The following ATG2B variants were observed in gnomAD, a reference collection of about 807,000 sequenced individuals.
ATG2B encodes the protein autophagy-related protein 2 homolog B.
Under a neutral mutation model 241.3 loss-of-function variants are expected in ATG2B, and 121 were observed. The ratio of observed to expected loss-of-function variants is 0.50; its 90% CI spans 0.43 to 0.58. The LOEUF (loss-of-function observed/expected upper bound fraction) is 0.58. ATG2B is among the 20% of genes least tolerant of loss of function. The probability of loss-of-function intolerance (pLI) is 0.00; values close to 1 mark genes in which losing one functional copy is unlikely to be tolerated. For synonymous variants in ATG2B, 858 were observed against 876.6 expected (o/e 0.98, Z 0.37); for missense variants, 2,306 against 2,491.6 (o/e 0.93, Z 1.59).
In ATG2B at chr14:96,285,879, G is replaced by A. The variant is rs1886321987; in HGVS notation, c.6113C>T (p.Ala2038Val). The A allele has an allele frequency of 6.2e-7, 1 of 1,614,118 alleles. No individual in the cohort carries two copies. Among genetic ancestry groups the A allele is most frequent in the Non-Finnish European group, 8.5e-7 (1 of 1,180,034 alleles). Residue 2038 changes from alanine (A) to valine (V), a missense_variant, in exon 42 of 42, where the codon GCA becomes GTA. Transcript: ENST00000359933. The surrounding 1 kb of genome is among the most constrained non-coding windows in gnomAD (Gnocchi z 4.2). Reference protein sequence around the residue: ...VGEVLRQIPPAVVKPLIVATE... With the variant: ...VGEVLRQIPPVVVKPLIVATE... The stretch of plus-strand genomic sequence containing the variant: ...GGCAACAATCAGAGGTTTCACCACT[G>A]CCGGAGGAATCTGGCGCAGAACCTC...
chr14:96,304,462 T>C (rs781686891), intron 32 of ATG2B, 33 bp downstream of exon 32: 1 of 1,543,068 alleles, frequency 6.5e-7, no homozygotes, highest in African/African-American at 1.4e-5. Flanking sequence ...AATATCCTAC[T>C]TAAGTGGATT....
At chr14:96,308,642 C>T (rs75438850) in intron 29 of ATG2B, among the ~76,000 whole-genome samples, 4,577 of 151,842 alleles carry the variant, frequency 0.03, 109 homozygotes, top group South Asian at 0.047. Context: ...GTACATAGAA[C>T]ACTAAAAGCC....
At chr14:96,334,150 T>A (rs1013333213) in intron 7 of ATG2B, among the ~76,000 whole-genome samples, 2 of 152,204 alleles carry the variant, frequency 1.3e-5, no homozygotes, top group Non-Finnish European at 2.9e-5. Context: ...TATGAAGTAC[T>A]ATCCCCAACC....
chr14:96,344,670 C>T lies in ATG2B; in HGVS notation c.565G>A (p.Glu189Lys), dbSNP rs1034988999. ...PENSKTGTAL[E>K]IRIERTVYCD... Reference sequence around the variant, plus strand: ...AATTCTTACCTTTCTATTCGAATTTCAAGTGCAGTTCCAGTTTTGGAATTT... The same window carrying T: ...AATTCTTACCTTTCTATTCGAATTTTAAGTGCAGTTCCAGTTTTGGAATTT... Residue 189 changes from glutamate to lysine, a missense_variant, in exon 4 of 42, where the codon GAA becomes AAA. By Grantham distance (56) the Glu-to-Lys change is moderately conservative (BLOSUM62 1). Transcript: ENST00000359933. 3 of 1,599,562 alleles carry T rather than the reference C, an allele frequency of 1.9e-6. No individual in the cohort carries two copies. The highest frequency in any genetic ancestry group is 2.6e-6 in the Non-Finnish European group (3 of 1,171,036).
In ATG2B at chr14:96,285,940, C is replaced by G; in HGVS notation, c.6052G>C (p.Glu2018Gln). The G allele has an allele frequency of 6.2e-7, 1 of 1,613,920 alleles. No homozygotes were observed. The highest frequency in any genetic ancestry group is 8.5e-7 in the Non-Finnish European group (1 of 1,179,998). ...AQTIYETAAR[E>Q]HESRGVTGAV... ...CCAGTCACCCCTCTGCTCTCGTGTT[C>G]TCGAGCCGCAGTTTCATAAATGGTC... Residue 2018 changes from glutamate (E) to glutamine (Q), a missense_variant, in exon 42 of 42, where the codon GAA becomes CAA. By Grantham distance (29) the Glu-to-Gln change is conservative. Coordinates refer to ENST00000359933, the MANE Select transcript of ATG2B (RefSeq NM_018036.7). The surrounding 1 kb of genome is among the most constrained non-coding windows in gnomAD (Gnocchi z 4.2).
chr14:96,294,228 G>C (rs1886567646), intron 36 of ATG2B, among the ~76,000 whole-genome samples: 2 of 152,168 alleles, frequency 1.3e-5, no homozygotes, highest in African/African-American at 4.8e-5. Flanking sequence ...AGCAACCCGG[G>C]ACATATGAGA....
At chr14:96,333,403 C>G (rs1887789919) in intron 8 of ATG2B, among the ~76,000 whole-genome samples, 1 of 152,106 alleles carries the variant, frequency 6.6e-6, no homozygotes, top group Non-Finnish European at 1.5e-5. Flanking sequence ...ATTTAACTTT[C>G]ACATAAATTT....
chr14:96,300,810 T>G (rs1566716489), intron 34 of ATG2B, among the ~76,000 whole-genome samples: 1 of 152,266 alleles, frequency 6.6e-6, no homozygotes, highest in Non-Finnish European at 1.5e-5. Context: ...ATGCTAAGCT[T>G]CTGTACTTCA....
Position 96,289,633 on chromosome 14 carries a change from T to C in ATG2B, c.6006+23A>G. On this transcript the variant is annotated intron_variant, in intron 41 of 41. Transcript: ENST00000359933. The surrounding 1 kb of genome is among the most constrained non-coding windows in gnomAD (Gnocchi z 4.3). ...GAAAGCGCACAGAAGGGTTCTGATGTGTCCACCCAAGTATTCAGTTACCTC... is the reference window on the plus strand; with the variant it reads ...GAAAGCGCACAGAAGGGTTCTGATGCGTCCACCCAAGTATTCAGTTACCTC... 1 of 1,613,504 alleles carries C rather than the reference T, an allele frequency of 6.2e-7. No individual in the cohort carries two copies. Among genetic ancestry groups the C allele is most frequent in the Non-Finnish European group, 8.5e-7 (1 of 1,179,696 alleles).
At position 96,331,497 on chromosome 14, in the gene ATG2B, T is replaced by C. The variant is rs1310271444; in HGVS notation, c.1609A>G (p.Thr537Ala). Reference sequence around the variant, plus strand: ...GTAAAGAAAGCTACTGCCATAGGTGTCAATGGATTAAGGTTCTGTGACGTT... The same window carrying C: ...GTAAAGAAAGCTACTGCCATAGGTGCCAATGGATTAAGGTTCTGTGACGTT... ...PETSQNLNPL[T>A]PMAVAFFTCI... is the part of the protein sequence containing the mutation. Residue 537 changes from threonine to alanine, a missense_variant, in exon 11 of 42, where the codon ACA becomes GCA. By Grantham distance (58) the Thr-to-Ala change is moderately conservative. This residue lies in a region of ATG2B where 1,927 missense variants were observed against 2,011.2 expected (regional missense o/e 0.96). Coordinates refer to ENST00000359933, the MANE Select transcript of ATG2B (RefSeq NM_018036.7). 1 of 1,614,064 alleles carries C rather than the reference T, an allele frequency of 6.2e-7. No individual in the cohort carries two copies. The highest frequency in any genetic ancestry group is 1.7e-5 in the Admixed American group (1 of 60,014).
At chr14:96,326,933 C>T (rs1887601862) in intron 14 of ATG2B, among the ~76,000 whole-genome samples, 2 of 152,094 alleles carry the variant, frequency 1.3e-5, no homozygotes, top group Non-Finnish European at 2.9e-5. Context: ...CACTCTCAGG[C>T]AAAAATAACC....
rs1287628102 is a variant in ATG2B, at chr14:96,292,067, G to T, written c.5458C>A (p.Arg1820=). 2 of 1,598,686 alleles carry T rather than the reference G, an allele frequency of 1.3e-6. No individual in the cohort carries two copies. The highest frequency in any genetic ancestry group is 1.1e-5 in the South Asian group (1 of 88,384). The change falls in exon 37 of 42, where the codon CGA becomes AGA. Residue 1820 remains arginine, a synonymous_variant. Transcript: ENST00000359933. Reference sequence around the variant, plus strand: ...ACATGTTTGCCATGATAATCAAGTCGAATGGGAACTTCTGACGTGAATCTA... The same window carrying T: ...ACATGTTTGCCATGATAATCAAGTCTAATGGGAACTTCTGACGTGAATCTA... The part of the protein sequence containing the change: ...EFRFTSEVPI[R]LDYHGKHVSM...
chr14:96,327,944 A>G (rs1233420681), intron 14 of ATG2B, among the ~76,000 whole-genome samples: 1 of 152,138 alleles, frequency 6.6e-6, no homozygotes, highest in Non-Finnish European at 1.5e-5. Context: ...CAGCCTCCTG[A>G]GTAGCTGAGA....
intron 34 of ATG2B, 90 bp downstream of exon 34, chr14:96,301,917 G>T: frequency 9.6e-7 from 1 of 1,045,004 alleles, no homozygotes; most frequent in South Asian, 1.5e-5. Context: ...CGCCATAAAA[G>T]TTCAATAATG....
intron 1 of ATG2B, among the ~76,000 whole-genome samples, chr14:96,356,257 T>C (rs893536044): frequency 5.9e-5 from 9 of 152,134 alleles, no homozygotes; most frequent in African/African-American, 2.2e-4. Flanking sequence ...TGTACTATTT[T>C]ATACCTACAT....
rs1341414851 is a variant in ATG2B at position 96,304,482 on chromosome 14, A to G, written c.4842+13T>C. 3 of 1,600,792 alleles carry G rather than the reference A, an allele frequency of 1.9e-6. No homozygotes were observed. Among genetic ancestry groups the G allele is most frequent in the Non-Finnish European group, 2.6e-6 (3 of 1,170,218 alleles). Reference sequence around the variant, plus strand: ...CCTACTTAAGTGGATTTTTCCTTCAAATGCCATCTTACCTTGCTTAGCTGT... The same window carrying G: ...CCTACTTAAGTGGATTTTTCCTTCAGATGCCATCTTACCTTGCTTAGCTGT... On this transcript the variant is annotated intron_variant, in intron 32 of 41. Coordinates refer to ENST00000359933, the MANE Select transcript of ATG2B (RefSeq NM_018036.7).
In ATG2B at chr14:96,285,761, A is replaced by G. The variant is rs1234887500; in HGVS notation, c.6231T>C (p.Asp2077=). ...CACTGTCAGTTCCAAGCCATCAGTC[A>G]TCCCCGTGGCGCCATTTCTGTGACT... ...QDESQKWRHG[D]D The change falls in exon 42 of 42, where the codon GAT becomes GAC. Residue 2077 remains aspartate, a synonymous_variant. Coordinates refer to ENST00000359933, the MANE Select transcript of ATG2B (RefSeq NM_018036.7). This position sits in a 1 kb window ranked among gnomAD's most constrained non-coding sequence, Gnocchi z 4.2. The G allele has an allele frequency of 1.2e-6, 2 of 1,613,722 alleles. No individual in the cohort carries two copies. Among genetic ancestry groups the G allele is most frequent in the Non-Finnish European group, 1.7e-6 (2 of 1,179,952 alleles).
rs76756907 is a variant in ATG2B, at chr14:96,301,560, A to G, written c.5139+447T>C. ...GCCCAACTCCAGTTTTTTTTAGGGAAAGTCTAAATCTCTGTTGTTTCTGAC... is the reference window on the plus strand; with the variant it reads ...GCCCAACTCCAGTTTTTTTTAGGGAGAGTCTAAATCTCTGTTGTTTCTGAC... On this transcript the variant is annotated intron_variant, in intron 34 of 41. Coordinates refer to ENST00000359933, the MANE Select transcript of ATG2B (RefSeq NM_018036.7). Among the ~76,000 whole-genome samples the G allele has an allele frequency of 3.4e-3, 511 of 151,416 alleles. 9 individuals are homozygous for G. In the East Asian group the frequency reaches 0.038, roughly 11 times the overall value.
intron 38 of ATG2B, 110 bp downstream of exon 38, chr14:96,291,486 CTAAA>C: frequency 1.5e-6 from 1 of 649,822 alleles, no homozygotes. Context: ...AATGAGCTCT[CTAAA>C]TAAAATACTG....
Sources: allele counts gnomAD v4.1 joint callset (sites outside exome capture counted in the v4.1 genomes callset), GRCh38; gene constraint gnomAD v4.1.1; regional missense constraint gnomAD v4.1.1; non-coding constraint Gnocchi (gnomAD v3.1); transcripts MANE v1.5; gene names NCBI Gene and HGNC (gene_info 2026-07-23, HGNC 2026-07-21).